The following ZMYND11 variants were observed in gnomAD, a reference collection of about 807,000 sequenced individuals.
ZMYND11 encodes the protein zinc finger MYND-type containing 11, also known as zinc finger MYND domain-containing protein 11.
ZMYND11 carries 9 observed loss-of-function variants against 84.9 expected under a neutral mutation model. The observed-to-expected ratio is 0.11, with a 90% CI of 0.06 to 0.18. The LOEUF (loss-of-function observed/expected upper bound fraction) is 0.18, where lower values mean the gene tolerates loss of function less well. Ranked by LOEUF, ZMYND11 falls within the 10% of genes least tolerant of loss-of-function variation. The pLI is 1.00. For missense variants in ZMYND11, 409 were observed against 761.0 expected (o/e 0.54, Z 5.44); for synonymous variants, 250 against 244.1 (o/e 1.02, Z -0.23).
At chr10:153,667 A>T (rs183371613) in intron 1 of ZMYND11, among the ~76,000 whole-genome samples, 1 of 152,208 alleles carries the variant, frequency 6.6e-6, no homozygotes, top group Non-Finnish European at 1.5e-5. Context: ...ATTATTCATC[A>T]TAGTTATGCA....
intron 4 of ZMYND11, among the ~76,000 whole-genome samples, chr10:229,288 C>G (rs990915381): frequency 6.6e-6 from 1 of 152,166 alleles, no homozygotes; most frequent in African/African-American, 2.4e-5. Context: ...TGGCCTGTGA[C>G]TGGAGTCTCA....
At chr10:236,295 C>A (rs867277931) in intron 4 of ZMYND11, among the ~76,000 whole-genome samples, 1 of 152,168 alleles carries the variant, frequency 6.6e-6, no homozygotes, top group Non-Finnish European at 1.5e-5. Flanking sequence ...ATTGAGGAAC[C>A]TAATTAGCTT....
At chr10:232,090 AT>A (rs2131597105) in intron 4 of ZMYND11, among the ~76,000 whole-genome samples, 1 of 152,392 alleles carries the variant, frequency 6.6e-6, no homozygotes, top group South Asian at 2.1e-4. Context: ...TAATCTGTAC[AT>A]ATTATAAAGC....
chr10:195,608 A>G (rs1419370405), intron 2 of ZMYND11, among the ~76,000 whole-genome samples: 2 of 152,236 alleles, frequency 1.3e-5, no homozygotes, highest in Non-Finnish European at 2.9e-5. Context: ...TGTAAACTTC[A>G]AAAACAGACA....
At chr10:244,755 C>T (rs1273543314) in intron 10 of ZMYND11, among the ~76,000 whole-genome samples, 2 of 152,136 alleles carry the variant, frequency 1.3e-5, no homozygotes, top group Non-Finnish European at 2.9e-5. Context: ...CGGGTGTTTG[C>T]TTTTTTATTT....
At chr10:185,430 A>C (rs573352202) in intron 2 of ZMYND11, among the ~76,000 whole-genome samples, 22 of 145,298 alleles carry the variant, frequency 1.5e-4, no homozygotes, top group African/African-American at 5.6e-4. Context: ...AGGTTTGGGG[A>C]GATTTAAAAA....
intron 2 of ZMYND11, among the ~76,000 whole-genome samples, chr10:190,465 G>A (rs1940064026): frequency 6.6e-6 from 1 of 152,126 alleles, no homozygotes; most frequent in Non-Finnish European, 1.5e-5. Flanking sequence ...CCCATGCTCT[G>A]CCTTGGGACG....
At chr10:217,143 C>G (rs1057096931) in intron 3 of ZMYND11, among the ~76,000 whole-genome samples, 1 of 152,018 alleles carries the variant, frequency 6.6e-6, no homozygotes, top group Non-Finnish European at 1.5e-5. Context: ...ACAGTTCTTC[C>G]ACATATCTCC....
intron 2 of ZMYND11, among the ~76,000 whole-genome samples, chr10:205,017 C>G (rs1410130411): frequency 6.6e-6 from 1 of 151,926 alleles, no homozygotes; most frequent in Non-Finnish European, 1.5e-5. Flanking sequence ...TCCTTGCTTT[C>G]CTATGATTGT....
chr10:173,206 A>G (rs185230435), intron 1 of ZMYND11, among the ~76,000 whole-genome samples: 1 of 152,354 alleles, frequency 6.6e-6, no homozygotes, highest in East Asian at 1.9e-4. Context: ...TTTAGGTACA[A>G]CAGCAAAGGC....
At chr10:174,859 C>T (rs1846217251) in intron 1 of ZMYND11, among the ~76,000 whole-genome samples, 1 of 147,226 alleles carries the variant, frequency 6.8e-6, no homozygotes, top group South Asian at 2.2e-4. Context: ...AACCCATGGG[C>T]ACTACAGTGG....
rs1243898714 is a variant in ZMYND11 at position 221,333 on chromosome 10, C to T, written c.415C>T (p.Pro139Ser). 2 of 1,613,668 alleles carry T rather than the reference C, an allele frequency of 1.2e-6. No individual in the cohort carries two copies. The highest frequency in any genetic ancestry group is 1.7e-6 in the Non-Finnish European group (2 of 1,179,738). ...DEFRLRDSSSPWQCPVCRSIK... is the reference protein window; with the variant it reads ...DEFRLRDSSSSWQCPVCRSIK... ...GTTCAGGCTTAGAGACAGCAGTAGT[C>T]CCTGGCAGTGCCCAGTTTGCAGGGT... is the stretch of plus-strand genomic sequence containing the variant. The change falls in exon 4 of 15, where the codon CCC (proline) becomes TCC (serine). Residue 139 changes from proline (P) to serine (S), a missense_variant. Physicochemically the swap from Pro to Ser is moderately conservative, Grantham distance 74. Transcript: ENST00000381604.
intron 2 of ZMYND11, among the ~76,000 whole-genome samples, chr10:195,474 C>T (rs570509215): frequency 7.9e-5 from 12 of 152,294 alleles, no homozygotes; most frequent in African/African-American, 2.9e-4. Context: ...ATTTCTATAA[C>T]AGACTATTAT....
chr10:188,552 A>G (rs971578158), intron 2 of ZMYND11, among the ~76,000 whole-genome samples: 1 of 149,062 alleles, frequency 6.7e-6, no homozygotes, highest in Non-Finnish European at 1.5e-5. Flanking sequence ...TGATTGTTCC[A>G]CTGTGCTCCG....
intron 4 of ZMYND11, among the ~76,000 whole-genome samples, chr10:236,479 A>G (rs553311648): frequency 3.3e-5 from 5 of 152,354 alleles, no homozygotes; most frequent in African/African-American, 7.2e-5. Context: ...CTAATTTAAG[A>G]TGTTCCCTCA....
chr10:178,827 C>A (rs1158051913), intron 1 of ZMYND11, among the ~76,000 whole-genome samples: 1 of 152,064 alleles, frequency 6.6e-6, no homozygotes, highest in African/African-American at 2.4e-5. Flanking sequence ...ACCCAGTTTT[C>A]TCAGGTTTTG....
intron 5 of ZMYND11, among the ~76,000 whole-genome samples, chr10:237,372 G>A (rs1457277583): frequency 2.0e-5 from 3 of 152,186 alleles, no homozygotes; most frequent in Non-Finnish European, 2.9e-5. Context: ...GCCGGGCGCC[G>A]TGGCTCCCGC....
intron 1 of ZMYND11, among the ~76,000 whole-genome samples, chr10:158,984 G>GTTTTTTTTTTTTTTTTTTTTTTTTT (rs376931420): frequency 2.5e-5 from 1 of 40,052 alleles, no homozygotes; most frequent in African/African-American, 7.5e-5. Flanking sequence ...AGGGTTTTTT[G>GTTTTTTTTTTTTTTTTTTTTTTTTT]TTTTTTGTTT....
At chr10:223,648 G>GTAC (rs1947552298) in intron 4 of ZMYND11, among the ~76,000 whole-genome samples, 1 of 152,130 alleles carries the variant, frequency 6.6e-6, no homozygotes, top group South Asian at 2.1e-4. Context: ...CAAAGAAATA[G>GTAC]TTATTCATTT....
Sources: allele counts gnomAD v4.1 joint callset (sites outside exome capture counted in the v4.1 genomes callset), GRCh38; gene constraint gnomAD v4.1.1; transcripts MANE v1.5; gene names NCBI Gene and HGNC (gene_info 2026-07-23, HGNC 2026-07-21).